The following EXT1 variants were observed in gnomAD, a reference collection of about 807,000 sequenced individuals.
EXT1 encodes the protein exostosin-1.
A neutral mutation model predicts 82.5 loss-of-function variants in EXT1; 20 were observed. The ratio of observed to expected loss-of-function variants is 0.24; its 90% CI spans 0.17 to 0.35. The LOEUF (loss-of-function observed/expected upper bound fraction) is 0.35, where lower values mean the gene tolerates loss of function less well. Ranked by LOEUF, EXT1 falls within the 10% of genes least tolerant of loss-of-function variation. The pLI is 1.00. For missense variants in EXT1, 757 were observed against 936.5 expected (o/e 0.81, Z 2.50); for synonymous variants, 348 against 350.8 (o/e 0.99, Z 0.09).
Position 117,813,115 on chromosome 8 carries a change from C to T in EXT1, c.1633-154G>A, listed in dbSNP as rs4382503. ...ACACCGAAGGAATCTCATTTCCCAT[C>T]AATGCAGATGTATTTGTTCAACAAT... On this transcript the variant is annotated intron_variant, in intron 7 of 10. Transcript: ENST00000378204. Among the ~76,000 whole-genome samples, 58,920 of 152,024 alleles carry T rather than the reference C, an allele frequency of 0.39. 11,805 individuals carry two copies. The highest frequency in any genetic ancestry group is 0.52 in the Admixed American group (7,907 of 15,274).
intron 1 of EXT1, among the ~76,000 whole-genome samples, chr8:118,051,529 G>C (rs1047631293): frequency 2.0e-5 from 3 of 152,032 alleles, no homozygotes; most frequent in Non-Finnish European, 4.4e-5. Flanking sequence ...AGAATTGATG[G>C]GCCAGGGAAA....
chr8:118,048,185 G>C (rs766164477), intron 1 of EXT1, among the ~76,000 whole-genome samples: 19 of 152,078 alleles, frequency 1.2e-4, no homozygotes, highest in Non-Finnish European at 2.8e-4. Flanking sequence ...CTACTCAAAG[G>C]CAACAGAGGG....
intron 1 of EXT1, among the ~76,000 whole-genome samples, chr8:118,088,038 T>G (rs1817455784): frequency 6.6e-6 from 1 of 152,122 alleles, no homozygotes; most frequent in Non-Finnish European, 1.5e-5. Flanking sequence ...TAATACTGTT[T>G]GAAGCCAGCA....
At chr8:117,935,916 G>C (rs1266068364) in intron 1 of EXT1, among the ~76,000 whole-genome samples, 1 of 151,942 alleles carries the variant, frequency 6.6e-6, no homozygotes, top group African/African-American at 2.4e-5. Context: ...AAAGCTCCCT[G>C]GTCCTGGTTT....
intron 1 of EXT1, among the ~76,000 whole-genome samples, chr8:118,004,047 G>T (rs1815726823): frequency 6.6e-6 from 1 of 152,122 alleles, no homozygotes; most frequent in Non-Finnish European, 1.5e-5. Flanking sequence ...AAGCAATTAG[G>T]CTAGAAGTTC....
intron 1 of EXT1, among the ~76,000 whole-genome samples, chr8:117,866,435 G>A (rs1000302364): frequency 3.3e-5 from 5 of 152,124 alleles, no homozygotes; most frequent in African/African-American, 1.2e-4. Flanking sequence ...GCTGTAATGA[G>A]CTACTGGCTG....
At chr8:118,093,176 TC>T (rs1817551292) in intron 1 of EXT1, among the ~76,000 whole-genome samples, 1 of 132,390 alleles carries the variant, frequency 7.6e-6, no homozygotes. Flanking sequence ...GAGGATACAC[TC>T]CCCCCACCCC....
intron 1 of EXT1, among the ~76,000 whole-genome samples, chr8:117,843,530 G>A (rs1245087423): frequency 1.3e-5 from 2 of 152,124 alleles, no homozygotes; most frequent in Non-Finnish European, 2.9e-5. Context: ...AGGAACAAAG[G>A]CACCAAGGTG....
intron 1 of EXT1, among the ~76,000 whole-genome samples, chr8:118,074,402 T>C (rs938806006): frequency 2.0e-5 from 3 of 152,118 alleles, no homozygotes; most frequent in Admixed American, 6.5e-5. Context: ...GGGAAGCTAT[T>C]GTGCTCCCGT....
intron 1 of EXT1, among the ~76,000 whole-genome samples, chr8:118,046,142 G>T (rs1196193553): frequency 3.3e-5 from 5 of 151,402 alleles, no homozygotes; most frequent in Non-Finnish European, 7.4e-5. Flanking sequence ...GGGTCTTGGG[G>T]TATCAATGTC....
intron 1 of EXT1, among the ~76,000 whole-genome samples, chr8:118,053,421 T>C (rs1816749171): frequency 6.6e-6 from 1 of 152,186 alleles, no homozygotes. Flanking sequence ...TTTTACATTA[T>C]AATCTGAAGA....
intron 1 of EXT1, among the ~76,000 whole-genome samples, chr8:117,894,781 G>T (rs1237394972): frequency 6.6e-6 from 1 of 152,148 alleles, no homozygotes; most frequent in African/African-American, 2.4e-5. Context: ...GACTGATCTG[G>T]ACTGCGGCAA....
At chr8:118,016,092 T>C (rs1021420564) in intron 1 of EXT1, among the ~76,000 whole-genome samples, 2 of 152,298 alleles carry the variant, frequency 1.3e-5, no homozygotes, top group South Asian at 2.1e-4. Context: ...TAGATTTTTG[T>C]TGTTTAAAGC....
chr8:117,817,490 C>A (rs1462867593), intron 7 of EXT1, among the ~76,000 whole-genome samples: 1 of 151,996 alleles, frequency 6.6e-6, no homozygotes, highest in Non-Finnish European at 1.5e-5. Flanking sequence ...ATTTCCTTCA[C>A]AATGCGTAAG....
intron 1 of EXT1, among the ~76,000 whole-genome samples, chr8:117,882,636 T>C (rs1468469129): frequency 2.0e-5 from 3 of 152,192 alleles, no homozygotes; most frequent in Non-Finnish European, 4.4e-5. Flanking sequence ...GAACACTAAA[T>C]CAGTCCTTGG....
intron 1 of EXT1, among the ~76,000 whole-genome samples, chr8:117,998,756 C>A (rs749656576): frequency 2.6e-5 from 4 of 152,174 alleles, no homozygotes; most frequent in Middle Eastern, 3.2e-3. Context: ...TTACCGAGGG[C>A]TAACTTGTAA....
intron 1 of EXT1, among the ~76,000 whole-genome samples, chr8:117,899,774 T>A (rs1337279151): frequency 6.6e-6 from 1 of 152,230 alleles, no homozygotes; most frequent in African/African-American, 2.4e-5. Context: ...GTGTTTTAGA[T>A]GATGCTACCT....
At position 118,111,157 on chromosome 8, in the gene EXT1, C is replaced by G. The variant is rs946441650; in HGVS notation, c.-111G>C. 2.8e-6 allele frequency: 4 copies of G among 1,439,680 alleles called. No individual in the cohort carries two copies. Among genetic ancestry groups the G allele is most frequent in the East Asian group, 2.5e-5 (1 of 40,494 alleles). 89.2% of individuals were successfully genotyped at this position (1,439,680 alleles called of 1,614,324 possible). A position where few individuals can be genotyped will look rare whatever the true frequency, so the allele number is the denominator to read the frequency against. Reference sequence around the variant, plus strand: ...TCTTCCCGCCTGTAAAGACTTCAAACTCTCCGCTCCCACCTTCTCTGGATG... The same window carrying G: ...TCTTCCCGCCTGTAAAGACTTCAAAGTCTCCGCTCCCACCTTCTCTGGATG... On this transcript the variant is annotated 5_prime_UTR_variant, in exon 1 of 11. Transcript: ENST00000378204.
chr8:117,929,648 T>C (rs1021846468), intron 1 of EXT1, among the ~76,000 whole-genome samples: 7 of 152,202 alleles, frequency 4.6e-5, no homozygotes, highest in African/African-American at 7.2e-5. Context: ...ATTAGGGACA[T>C]AGGGGATGAG....
Sources: allele counts gnomAD v4.1 joint callset (sites outside exome capture counted in the v4.1 genomes callset), GRCh38; gene constraint gnomAD v4.1.1; transcripts MANE v1.5; gene names NCBI Gene and HGNC (gene_info 2026-07-23, HGNC 2026-07-21).